The following PLXNA4 variants were observed in gnomAD, a reference collection of about 807,000 sequenced individuals.
The protein encoded by PLXNA4 is plexin-A4.
Under a neutral mutation model 191.8 loss-of-function variants are expected in PLXNA4, and 44 were observed. That is an observed-to-expected ratio of 0.23 (90% CI 0.18 to 0.29). The LOEUF (loss-of-function observed/expected upper bound fraction) is 0.29. Among genes scored for constraint, PLXNA4 ranks in the 10% least tolerant of loss-of-function variants. The pLI is 1.00. For missense variants in PLXNA4, 1,800 were observed against 2,488.8 expected (o/e 0.72, Z 5.89); for synonymous variants, 1,082 against 1,009.5 (o/e 1.07, Z -1.36).
chr7:132,540,648 C>T (rs1287805608), intron 1 of PLXNA4, among the ~76,000 whole-genome samples: 3 of 126,558 alleles, frequency 2.4e-5, no homozygotes, highest in Non-Finnish European at 3.1e-5. Flanking sequence ...ACTGCAGTGG[C>T]GCAATCTCGG....
At chr7:132,300,329 G>T (rs760470735) in intron 3 of PLXNA4, among the ~76,000 whole-genome samples, 2 of 151,988 alleles carry the variant, frequency 1.3e-5, no homozygotes, top group East Asian at 3.9e-4. Context: ...CTAAAGGCAG[G>T]GAGCTGAGGT....
intron 2 of PLXNA4, among the ~76,000 whole-genome samples, chr7:132,494,007 A>C (rs1440945571): frequency 6.6e-6 from 1 of 152,214 alleles, no homozygotes; most frequent in Non-Finnish European, 1.5e-5. Context: ...GGTGAGGATT[A>C]AATAATTTAA....
At chr7:132,561,500 C>T (rs1360469161) in intron 1 of PLXNA4, among the ~76,000 whole-genome samples, 2 of 108,004 alleles carry the variant, frequency 1.9e-5, no homozygotes, top group African/African-American at 3.8e-5. Flanking sequence ...TTTCTCCTCC[C>T]CCACCTCCTC....
At chr7:132,149,136 G>GCA (rs1562883717) in intron 25 of PLXNA4, among the ~76,000 whole-genome samples, 1 of 152,116 alleles carries the variant, frequency 6.6e-6, no homozygotes, top group African/African-American at 2.4e-5. Flanking sequence ...GGTGAAACTG[G>GCA]CAGGTGTGTC....
At chr7:132,215,743 T>A (rs1010636699) in intron 9 of PLXNA4, among the ~76,000 whole-genome samples, 2 of 152,154 alleles carry the variant, frequency 1.3e-5, no homozygotes, top group Non-Finnish European at 2.9e-5. Context: ...ACACCCTAAG[T>A]GAAGGGGTTG....
At chr7:132,608,362 C>T (rs1802982540) in intron 2 of PLXNA4, among the ~76,000 whole-genome samples, 2 of 152,180 alleles carry the variant, frequency 1.3e-5, no homozygotes, top group South Asian at 2.1e-4. Context: ...TATTCACCAA[C>T]ATATTAATTC....
At chr7:132,585,588 G>A (rs975008144) in intron 2 of PLXNA4, among the ~76,000 whole-genome samples, 1 of 152,148 alleles carries the variant, frequency 6.6e-6, no homozygotes, top group Non-Finnish European at 1.5e-5. Context: ...TAATCATTTG[G>A]GGCTGCTGTT....
At chr7:132,243,417 C>T (rs1022585553) in intron 4 of PLXNA4, among the ~76,000 whole-genome samples, 2 of 152,182 alleles carry the variant, frequency 1.3e-5, no homozygotes, top group Admixed American at 6.5e-5. Flanking sequence ...TGGAATGTGG[C>T]TGCATGTTCT....
At chr7:132,262,057 A>G (rs1010244460) in intron 4 of PLXNA4, among the ~76,000 whole-genome samples, 5 of 152,158 alleles carry the variant, frequency 3.3e-5, no homozygotes, top group African/African-American at 7.2e-5. Flanking sequence ...ACAATCCAAG[A>G]TATATGGGAA....
chr7:132,339,420 T>G (rs562974848), intron 3 of PLXNA4, among the ~76,000 whole-genome samples: 1 of 152,342 alleles, frequency 6.6e-6, no homozygotes, highest in South Asian at 2.1e-4. Flanking sequence ...ACACCAGTTC[T>G]CAGTCACATA....
chr7:132,139,126 C>T (rs936536274), intron 30 of PLXNA4, among the ~76,000 whole-genome samples: 2 of 152,190 alleles, frequency 1.3e-5, no homozygotes, highest in African/African-American at 2.4e-5. Context: ...CATAATCAGA[C>T]ACTAGGACAA....
chr7:132,391,411 C>G (rs1374742487), intron 3 of PLXNA4, among the ~76,000 whole-genome samples: 2 of 152,240 alleles, frequency 1.3e-5, no homozygotes, highest in African/African-American at 4.8e-5. Context: ...CTGATATGTT[C>G]TAATTACTTC....
intron 29 of PLXNA4, among the ~76,000 whole-genome samples, chr7:132,141,541 T>C (rs984514098): frequency 1.3e-5 from 2 of 152,108 alleles, no homozygotes; most frequent in Non-Finnish European, 2.9e-5. Flanking sequence ...GGTGGGTTCA[T>C]GGAAAGGCAG....
chr7:132,595,018 TAGACAGACAGAC>T (rs200153876), intron 2 of PLXNA4, among the ~76,000 whole-genome samples: 53 of 31,594 alleles, frequency 1.7e-3, no homozygotes, highest in African/African-American at 3.6e-3. Flanking sequence ...GATAGATAGA[TAGACAGACAGAC>T]AGACAGACAG....
At chr7:132,417,263 C>G (rs900702422) in intron 3 of PLXNA4, among the ~76,000 whole-genome samples, 1 of 152,094 alleles carries the variant, frequency 6.6e-6, no homozygotes, top group Non-Finnish European at 1.5e-5. Flanking sequence ...GGCTCCTTGT[C>G]TGGACATTCT....
At chr7:132,416,407 C>A (rs1354349419) in intron 3 of PLXNA4, among the ~76,000 whole-genome samples, 1 of 152,190 alleles carries the variant, frequency 6.6e-6, no homozygotes, top group Admixed American at 6.5e-5. Flanking sequence ...TCATACATTA[C>A]AATAAGGCCA....
At chr7:132,409,236 C>T (rs1184687208) in intron 3 of PLXNA4, among the ~76,000 whole-genome samples, 1 of 152,116 alleles carries the variant, frequency 6.6e-6, no homozygotes, top group East Asian at 1.9e-4. Flanking sequence ...CAGCTCTGTG[C>T]CTCCATCCAG....
intron 3 of PLXNA4, among the ~76,000 whole-genome samples, chr7:132,360,707 G>A (rs1422429245): frequency 6.6e-6 from 1 of 152,162 alleles, no homozygotes; most frequent in Admixed American, 6.5e-5. Flanking sequence ...TGTCCACCTC[G>A]GAGCTCAGAA....
At chr7:132,340,495 G>A (rs927632511) in intron 3 of PLXNA4, among the ~76,000 whole-genome samples, 2 of 152,282 alleles carry the variant, frequency 1.3e-5, no homozygotes, top group East Asian at 3.9e-4. Flanking sequence ...CTACCTTCCT[G>A]TCCCTGTCCC....
Sources: allele counts gnomAD v4.1 joint callset (sites outside exome capture counted in the v4.1 genomes callset), GRCh38; gene constraint gnomAD v4.1.1; transcripts MANE v1.5; gene names NCBI Gene and HGNC (gene_info 2026-07-23, HGNC 2026-07-21).